The following HSPG2 variants were observed in gnomAD, a reference collection of about 807,000 sequenced individuals.
HSPG2 encodes the protein heparan sulfate proteoglycan 2, also known as basement membrane-specific heparan sulfate proteoglycan core protein.
A neutral mutation model predicts 526.6 loss-of-function variants in HSPG2; 278 were observed. That is an observed-to-expected ratio of 0.53 (90% confidence interval 0.48 to 0.58). HSPG2 has a LOEUF of 0.58. Ranked by LOEUF, HSPG2 falls within the 20% of genes least tolerant of loss-of-function variation. The pLI, the probability that HSPG2 is intolerant of heterozygous loss-of-function variation, is 0.00. For missense variants in HSPG2, 5,354 were observed against 6,099.5 expected, an observed-to-expected ratio of 0.88 and a Z score of 4.07; for synonymous variants, 2,465 against 2,555.4, an observed-to-expected ratio of 0.96 and a Z score of 1.07.
chr1:21,856,332 C>T (rs1639337396), intron 44 of HSPG2, among the ~76,000 whole-genome samples: 1 of 152,218 alleles, frequency 6.6e-6, no homozygotes, highest in African/African-American at 2.4e-5. Flanking sequence ...ACCTTTCCTT[C>T]AGGTCTCAGC....
rs777347731 is a variant in HSPG2, at chr1:21,855,784, C to T, written c.5701+3G>A. On this transcript the variant is annotated splice_donor_region_variant and intron_variant, in intron 45 of 96. Coordinates refer to ENST00000374695, the MANE Select transcript of HSPG2 (RefSeq NM_005529.7). ...TTGAATGTCATTCCCATCACGGCCT[C>T]ACCTGTCCACTCGAGGGTGGGCGTG... 1.2e-6 allele frequency: 2 copies of T among 1,613,026 alleles called. No individual in the cohort carries two copies. Among genetic ancestry groups the T allele is most frequent in the South Asian group, 1.1e-5 (1 of 90,980 alleles).
chr1:21,851,998 G>C (rs746540687), intron 53 of HSPG2, 72 bp from the exon 54 acceptor site: 32 of 1,610,244 alleles, frequency 2.0e-5, no homozygotes, highest in Middle Eastern at 4.1e-4. Context: ...CTGTCCCCCC[G>C]ATCTAGGAAG....
At chr1:21,830,720 TG>T in intron 85 of HSPG2, 1 of 259,452 alleles carries the variant, frequency 3.9e-6, no homozygotes, top group South Asian at 6.4e-5. Flanking sequence ...AAAGATGGGC[TG>T]GGGGTGGGGG....
chr1:21,852,632 C>T, intron 52 of HSPG2, 68 bp downstream of exon 52: 3 of 1,606,578 alleles, frequency 1.9e-6, no homozygotes, highest in South Asian at 2.2e-5. Flanking sequence ...AGAGGGGTCC[C>T]TTGGATCTCA....
At chr1:21,873,452 T>G (rs200993078) in intron 29 of HSPG2, 28 bp from the exon 30 acceptor site, 178 of 1,612,804 alleles carry the variant, frequency 1.1e-4, no homozygotes, top group Non-Finnish European at 1.5e-4. Context: ...CTCTGATGAA[T>G]TTTGGATGAA....
chr1:21,918,407 G>A (rs941534189), intron 1 of HSPG2, among the ~76,000 whole-genome samples: 1 of 151,616 alleles, frequency 6.6e-6, no homozygotes, highest in Admixed American at 6.6e-5. Context: ...AGAGGTTGCA[G>A]TGAGCCAAGA....
At chr1:21,855,263 G>T (rs1639241864) in intron 47 of HSPG2, 41 bp downstream of exon 47, 1 of 1,580,152 alleles carries the variant, frequency 6.3e-7, no homozygotes. Flanking sequence ...TCTCTGCAGA[G>T]CCTGTGGGCC....
chr1:21,868,020 G>A (rs1301349504), intron 33 of HSPG2, among the ~76,000 whole-genome samples: 8 of 146,514 alleles, frequency 5.5e-5, no homozygotes, highest in Non-Finnish European at 1.0e-4. Flanking sequence ...ATGAGCCACC[G>A]CACCCAGCCA....
chr1:21,859,489 C>A lies in HSPG2; in HGVS notation c.5293+77G>T. ...ACTGCCCCCTCCCAGCAGGTGAATG[C>A]ACCATCTGCCTGAATCTGCAGCCTG... On this transcript the variant is annotated intron_variant, in intron 42 of 96. Transcript: ENST00000374695. The surrounding 1 kb of genome is among the most constrained non-coding windows in gnomAD (Gnocchi z 5.3). The A allele has an allele frequency of 1.8e-6, 2 of 1,130,642 alleles. No homozygotes were observed. The highest frequency in any genetic ancestry group is 1.5e-5 in the African/African-American group (1 of 65,048). The allele number at this position is 1,130,642 out of a possible 1,614,324, so 70.0% of individuals were successfully genotyped here. A position where few individuals can be genotyped will look rare whatever the true frequency, so the allele number is the denominator to read the frequency against.
At chr1:21,911,668 G>A (rs571454358) in intron 1 of HSPG2, among the ~76,000 whole-genome samples, 5 of 152,304 alleles carry the variant, frequency 3.3e-5, no homozygotes, top group Admixed American at 2.6e-4. Context: ...CAGGGCCCCC[G>A]TGGGGAGGTG....
chr1:21,828,199 G>A lies in HSPG2; in HGVS notation c.12410-47C>T, dbSNP rs1416074923. 6.2e-6 allele frequency: 10 copies of A among 1,612,832 alleles called. No homozygotes were observed. The highest frequency in any genetic ancestry group is 8.5e-6 in the Non-Finnish European group (10 of 1,179,880). On this transcript the variant is annotated intron_variant, in intron 89 of 96. Transcript: ENST00000374695. This position sits in a 1 kb window ranked among gnomAD's most constrained non-coding sequence, Gnocchi z 6.0. Reference sequence around the variant, plus strand: ...AGTGGGTGGGTGGGCATGGGCTGGAGGTGTCGCTGACCACCTGTGCCCCTC... The same window carrying A: ...AGTGGGTGGGTGGGCATGGGCTGGAAGTGTCGCTGACCACCTGTGCCCCTC...
At chr1:21,917,201 A>G (rs1643906938) in intron 1 of HSPG2, among the ~76,000 whole-genome samples, 1 of 151,980 alleles carries the variant, frequency 6.6e-6, no homozygotes, top group Admixed American at 6.6e-5. Flanking sequence ...GGAGGCTGAG[A>G]CAGGTGGATT....
Position 21,847,642 on chromosome 1 carries a change from C to T in HSPG2, c.8025+47G>A. ...AGACAGGGAGCCTGCTCTGCTCACC[C>T]CAGGAGACCATGGTTCCACCCCCGC... On this transcript the variant is annotated intron_variant, in intron 61 of 96. Transcript: ENST00000374695. This position sits in a 1 kb window ranked among gnomAD's most constrained non-coding sequence, Gnocchi z 4.1. 1 of 1,601,626 alleles carries T rather than the reference C, an allele frequency of 6.2e-7. No homozygotes were observed. Among genetic ancestry groups the T allele is most frequent in the African/African-American group, 1.3e-5 (1 of 74,666 alleles).
chr1:21,896,053 A>C (rs1642720867), intron 2 of HSPG2, 87 bp from the exon 3 acceptor site: 2 of 1,589,834 alleles, frequency 1.3e-6, no homozygotes, highest in East Asian at 4.5e-5. Context: ...GGCACCTAGT[A>C]TACAGTGGGA....
Position 21,875,663 on chromosome 1 carries a change from G to A in HSPG2, c.3268C>T (p.Arg1090Ter), listed in dbSNP as rs763721984. Residue 1090 changes from arginine to a stop codon, truncating the protein, a stop_gained, in exon 25 of 97, where the codon CGA becomes TGA. Transcript: ENST00000374695. LOFTEE classifies it high-confidence loss of function. ...ALAGIDTLLI[R>*]ASYAQQPAES... ...GCGGGCTGCTGGGCGTAGGATGCTC[G>A]GATCAGGAGGGTGTCGATGCCTGCC... 14 of 1,603,074 alleles carry A rather than the reference G, an allele frequency of 8.7e-6. No homozygotes were observed. The highest frequency in any genetic ancestry group is 2.2e-5 in the South Asian group (2 of 91,086).
At chr1:21,843,546 C>G (rs886211520) in intron 65 of HSPG2, 108 bp from the exon 66 acceptor site, 3 of 1,227,666 alleles carry the variant, frequency 2.4e-6, no homozygotes, top group Non-Finnish European at 3.4e-6. Flanking sequence ...GTAGGCGCAT[C>G]CTGTTGGAGG....
In HSPG2 at chr1:21,848,555, G is replaced by A; in HGVS notation, c.7737+88C>T. The A allele has an allele frequency of 7.0e-6, 10 of 1,432,530 alleles. No homozygotes were observed. Among genetic ancestry groups the A allele is most frequent in the South Asian group, 2.3e-5 (2 of 86,996 alleles). The allele number at this position is 1,432,530 out of a possible 1,614,324, so 88.7% of individuals were successfully genotyped here. A position where few individuals can be genotyped will look rare whatever the true frequency, so the allele number is the denominator to read the frequency against. ...CAATGTTTGTTGAATGACTGAATGA[G>A]CACAGAGTGAGGTGCTGAGAGTCCC... On this transcript the variant is annotated intron_variant, in intron 59 of 96. Coordinates refer to ENST00000374695, the MANE Select transcript of HSPG2 (RefSeq NM_005529.7). This position sits in a 1 kb window ranked among gnomAD's most constrained non-coding sequence, Gnocchi z 4.9.
chr1:21,903,871 G>A (rs1643229290), intron 1 of HSPG2, among the ~76,000 whole-genome samples: 1 of 152,182 alleles, frequency 6.6e-6, no homozygotes, highest in Non-Finnish European at 1.5e-5. Flanking sequence ...GAGAACACTT[G>A]ACCACCAGCC....
chr1:21,881,660 T>C (rs1259745017), intron 13 of HSPG2, among the ~76,000 whole-genome samples, 158 bp from the exon 14 acceptor site: 1 of 152,168 alleles, frequency 6.6e-6, no homozygotes, highest in Non-Finnish European at 1.5e-5. Context: ...ATGCAGTTTT[T>C]TGCCGGGTGT....
Sources: gnomAD v4.1 joint callset for allele counts (sites outside exome capture counted in the v4.1 genomes callset) on GRCh38, gnomAD v4.1.1 for gene constraint, Gnocchi (gnomAD v3.1) non-coding constraint, MANE v1.5 for transcripts, NCBI Gene and HGNC (gene_info 2026-07-23, HGNC 2026-07-21) for gene names.